The following NUP214 variants were observed in gnomAD, a reference collection of about 807,000 sequenced individuals.
NUP214 encodes the protein nuclear pore complex protein Nup214.
NUP214 carries 79 observed loss-of-function variants against 196.2 expected under a neutral mutation model. The observed-to-expected ratio is 0.40, with a 90% confidence interval of 0.34 to 0.49. The LOEUF (loss-of-function observed/expected upper bound fraction) is 0.49. NUP214 is among the 20% of genes least tolerant of loss of function. The probability of loss-of-function intolerance (pLI) is 0.58; values close to 1 mark genes in which losing one functional copy is unlikely to be tolerated. For synonymous variants in NUP214, 1,020 were observed against 990.5 expected (o/e 1.03, Z -0.56); for missense variants, 2,468 against 2,539.0 (o/e 0.97, Z 0.60).
At chr9:131,139,558 C>T in intron 10 of NUP214, 151 bp downstream of exon 10, 1 of 1,147,580 alleles carries the variant, frequency 8.7e-7, no homozygotes. Flanking sequence ...TGATAACAGG[C>T]TGCGTTGTGA....
At chr9:131,203,181 G>T (rs1190163084) in intron 30 of NUP214, among the ~76,000 whole-genome samples, 1 of 151,864 alleles carries the variant, frequency 6.6e-6, no homozygotes, top group Non-Finnish European at 1.5e-5. Context: ...TCCTGATCTC[G>T]TGATCCGCCC....
At chr9:131,139,255 C>CTTTTTTTTTTTTTTTT in intron 9 of NUP214, 26 bp from the exon 10 acceptor site, 7 of 1,090,526 alleles carry the variant, frequency 6.4e-6, no homozygotes, top group South Asian at 4.2e-5. Context: ...TCTTCTTCTT[C>CTTTTTTTTTTTTTTTT]TTTTTTTTTT....
chr9:131,143,920 C>T (rs1349814327), intron 11 of NUP214, among the ~76,000 whole-genome samples: 1 of 151,880 alleles, frequency 6.6e-6, no homozygotes, highest in Admixed American at 6.6e-5. Flanking sequence ...ATGTGACTTT[C>T]TATGTGTATT....
chr9:131,200,090 C>A (rs140735595), intron 29 of NUP214, among the ~76,000 whole-genome samples: 1 of 152,202 alleles, frequency 6.6e-6, no homozygotes, highest in African/African-American at 2.4e-5. Flanking sequence ...CACTACCACA[C>A]CATTTGCTCT....
Position 131,234,175 on chromosome 9 carries a change from CCTA to C in NUP214, c.*691_*693del, listed in dbSNP as rs1834954018. On this transcript the variant is annotated 3_prime_UTR_variant, in exon 36 of 36. Transcript: ENST00000359428. ...CATGTGGCTCTTGGGTGCCATGTGT[CCTA>C]CTCCAGAGAGGAGGGGGCCGGTCAC... 8.6e-6 allele frequency: 2 copies of C among 233,562 alleles called. No individual in the cohort carries two copies. Among genetic ancestry groups the C allele is most frequent in the Admixed American group, 5.6e-5 (1 of 17,822 alleles). 14.5% of individuals were successfully genotyped at this position (233,562 alleles called of 1,614,324 possible). A position where few individuals can be genotyped will look rare whatever the true frequency, so the allele number is the denominator to read the frequency against.
At chr9:131,148,675 G>A (rs1444322368) in intron 14 of NUP214, among the ~76,000 whole-genome samples, 1 of 151,920 alleles carries the variant, frequency 6.6e-6, no homozygotes, top group Non-Finnish European at 1.5e-5. Context: ...ATGATTATTG[G>A]CCATTTGAAT....
At chr9:131,208,852 TA>T (rs1332044572) in intron 30 of NUP214, among the ~76,000 whole-genome samples, 3 of 148,420 alleles carry the variant, frequency 2.0e-5, no homozygotes, top group Non-Finnish European at 4.5e-5. Context: ...CCGTCTCTAC[TA>T]AAAACAAAAA....
intron 7 of NUP214, 113 bp from the exon 8 acceptor site, chr9:131,134,785 T>C: frequency 1.4e-6 from 1 of 698,598 alleles, no homozygotes; most frequent in South Asian, 1.8e-5. Flanking sequence ...TATCTGGACT[T>C]TGAGTAAATA....
rs1040581985 is a variant in NUP214 at position 131,150,224 on chromosome 9, T to C, written c.2041-100T>C. 3.3e-5 allele frequency: 30 copies of C among 920,432 alleles called. No homozygotes were observed. The South Asian group carries it at 4.0e-4, about 12-fold the overall frequency. 57.0% of individuals were successfully genotyped at this position (920,432 alleles called of 1,614,324 possible). A position where few individuals can be genotyped will look rare whatever the true frequency, so the allele number is the denominator to read the frequency against. On this transcript the variant is annotated intron_variant, in intron 14 of 35. Coordinates refer to ENST00000359428, the MANE Select transcript of NUP214 (RefSeq NM_005085.4). ...TTCGTTACAATGAGTGAAGAAATAATGACTGTGTTACAGGAGCGCCACTCC... is the reference window on the plus strand; with the variant it reads ...TTCGTTACAATGAGTGAAGAAATAACGACTGTGTTACAGGAGCGCCACTCC...
At chr9:131,167,300 C>T (rs2133567210) in intron 21 of NUP214, 1 of 152,296 alleles carries the variant, frequency 6.6e-6, no homozygotes, top group Admixed American at 6.5e-5. Flanking sequence ...TTGTAAGATC[C>T]ATCCGTGTTG....
In NUP214 at chr9:131,150,700, A is replaced by G. The variant is rs1339810603; in HGVS notation, c.2212A>G (p.Lys738Glu). ...CCAAGTGGGCACTTCTGAGGAGATG[A>G]AGATGCTGCGAACAGAATCAGATGA... ...CFQVGTSEEM[K>E]MLRTESDDLH... Residue 738 changes from lysine (K) to glutamate (E), a missense_variant, in exon 16 of 36, where the codon AAG (lysine) becomes GAG (glutamate). By Grantham distance (56) the Lys-to-Glu change is moderately conservative. Transcript: ENST00000359428. 3.3e-5 allele frequency: 54 copies of G among 1,614,110 alleles called. No homozygotes were observed. Among genetic ancestry groups the G allele is most frequent in the Non-Finnish European group, 4.6e-5 (54 of 1,180,044 alleles).
Position 131,233,762 on chromosome 9 carries a change from C to A in NUP214, c.*275C>A. On this transcript the variant is annotated 3_prime_UTR_variant, in exon 36 of 36. Transcript: ENST00000359428. ...AGAAGATTGCCCCGTTTCTGTGGCT[C>A]TGAGAAGCCAGCAGAGCCTCCATCA... 4.1e-6 allele frequency: 2 copies of A among 485,696 alleles called. No homozygotes were observed. Among genetic ancestry groups the A allele is most frequent in the African/African-American group, 1.9e-5 (1 of 52,002 alleles). 30.1% of individuals were successfully genotyped at this position (485,696 alleles called of 1,614,324 possible).
At chr9:131,211,476 G>A (rs1834238985) in intron 30 of NUP214, among the ~76,000 whole-genome samples, 1 of 152,096 alleles carries the variant, frequency 6.6e-6, no homozygotes, top group South Asian at 2.1e-4. Flanking sequence ...CATTTGTCCT[G>A]TGGCGTTTCC....
rs750876244 is a variant in NUP214, at chr9:131,195,215, T to A, written c.3660-18T>A. On this transcript the variant is annotated intron_variant, in intron 27 of 35. Coordinates refer to ENST00000359428, the MANE Select transcript of NUP214 (RefSeq NM_005085.4). Reference sequence around the variant, plus strand: ...CCTTGGTTTGTTCCTTTTTAATTTCTCTTTTTCCACTTGTTAGGACTGGCT... The same window carrying A: ...CCTTGGTTTGTTCCTTTTTAATTTCACTTTTTCCACTTGTTAGGACTGGCT... 3.1e-6 allele frequency: 5 copies of A among 1,592,628 alleles called. No individual in the cohort carries two copies. In the East Asian group the frequency reaches 1.1e-4, roughly 36 times the overall value.
At chr9:131,218,349 A>G (rs546351527) in intron 31 of NUP214, among the ~76,000 whole-genome samples, 30 of 152,324 alleles carry the variant, frequency 2.0e-4, no homozygotes, top group African/African-American at 7.2e-4. Flanking sequence ...AAGAGCTGGG[A>G]GTCGTCTGGG....
chr9:131,188,153 T>C (rs1456558602), intron 25 of NUP214, among the ~76,000 whole-genome samples: 1 of 152,242 alleles, frequency 6.6e-6, no homozygotes, highest in Non-Finnish European at 1.5e-5. Flanking sequence ...CTCGTTTCAC[T>C]ACACAGTTGA....
Position 131,209,625 on chromosome 9 carries a change from C to G in NUP214, c.5593-5587C>G, listed in dbSNP as rs564238663. Reference sequence around the variant, plus strand: ...GCCAGGCTGGTCTCGAACTCCTCACCTTAGGTGATCTGCCTGCCTCGGCCT... The same window carrying G: ...GCCAGGCTGGTCTCGAACTCCTCACGTTAGGTGATCTGCCTGCCTCGGCCT... On this transcript the variant is annotated intron_variant, in intron 30 of 35. Coordinates refer to ENST00000359428, the MANE Select transcript of NUP214 (RefSeq NM_005085.4). Among the ~76,000 whole-genome samples, 3 of 152,246 alleles carry G rather than the reference C, an allele frequency of 2.0e-5. No individual in the cohort carries two copies. In the South Asian group the frequency reaches 6.2e-4, roughly 32 times the overall value.
chr9:131,139,255 C>CTTTTTTTTTTTTTTTTTTTT (rs200377608), intron 9 of NUP214, 26 bp from the exon 10 acceptor site: 15 of 1,093,090 alleles, frequency 1.4e-5, no homozygotes, highest in South Asian at 6.3e-5. Context: ...TCTTCTTCTT[C>CTTTTTTTTTTTTTTTTTTTT]TTTTTTTTTT....
chr9:131,229,685 C>G (rs749713574), intron 33 of NUP214: 2 of 517,692 alleles, frequency 3.9e-6, no homozygotes, highest in African/African-American at 3.9e-5. Context: ...GAGCCTGTCT[C>G]CGACCCTGAA....
Sources: gnomAD v4.1 joint callset for allele counts (sites outside exome capture counted in the v4.1 genomes callset) on GRCh38, gnomAD v4.1.1 for gene constraint, MANE v1.5 for transcripts, NCBI Gene and HGNC (gene_info 2026-07-23, HGNC 2026-07-21) for gene names.